RABL3: variants seen among roughly 807,000 people sequenced by gnomAD.
RABL3 encodes the protein rab-like protein 3.
A neutral mutation model predicts 31.8 loss-of-function variants in RABL3; 31 were observed. The ratio of observed to expected loss-of-function variants is 0.97; its 90% confidence interval spans 0.73 to 1.31. The LOEUF (loss-of-function observed/expected upper bound fraction) is 1.31, where lower values mean the gene tolerates loss of function less well. Among genes scored for constraint, RABL3 ranks in the 40% most tolerant of loss-of-function variants. The pLI, the probability that RABL3 is intolerant of heterozygous loss-of-function variation, is 0.00. For synonymous variants in RABL3, 97 were observed against 99.9 expected (o/e 0.97, Z 0.18); for missense variants, 263 against 279.6 (o/e 0.94, Z 0.42).
chr3:120,740,733 T>A (rs568489040), intron 1 of RABL3, among the ~76,000 whole-genome samples: 10 of 152,294 alleles, frequency 6.6e-5, no homozygotes, highest in African/African-American at 2.4e-4. Context: ...CTGACAAAAT[T>A]ACCTTTTAAA....
Position 120,730,725 on chromosome 3 carries a change from A to C in RABL3, c.109T>G (p.Trp37Gly), listed in dbSNP as rs767227466. Residue 37 changes from tryptophan to glycine, a missense_variant, in exon 2 of 8, where the codon TGG becomes GGG. Trp to Gly is a radical substitution (Grantham distance 184). Coordinates refer to ENST00000273375, the MANE Select transcript of RABL3 (RefSeq NM_173825.5). ...ACATCCACTGAGCAGCCCACAGTCC[A>C]TGATGGATTTCCCAGCACTTGATTT... The part of the protein sequence containing the change: ...CQNQVLGNPS[W>G]TVGCSVDVRV... 6.2e-7 allele frequency: 1 copy of C among 1,614,000 alleles called. No individual in the cohort carries two copies. Among genetic ancestry groups the C allele is most frequent in the Admixed American group, 1.7e-5 (1 of 60,014 alleles).
At chr3:120,735,552 T>C (rs1708949718) in intron 1 of RABL3, among the ~76,000 whole-genome samples, 1 of 152,210 alleles carries the variant, frequency 6.6e-6, no homozygotes, top group African/African-American at 2.4e-5. Context: ...CCTTCAGTTC[T>C]GCTCTGATCT....
Position 120,686,315 on chromosome 3 carries a change from C to G in RABL3, c.*3508G>C, listed in dbSNP as rs947836780. Reference sequence around the variant, plus strand: ...GATGTCACCTGTGCTTTAAAAAATTCAATTAAGCCACCATCTAGTAACCCA... The same window carrying G: ...GATGTCACCTGTGCTTTAAAAAATTGAATTAAGCCACCATCTAGTAACCCA... On this transcript the variant is annotated 3_prime_UTR_variant, in exon 8 of 8. Transcript: ENST00000273375. Among the ~76,000 whole-genome samples the G allele has an allele frequency of 2.0e-5, 3 of 152,140 alleles. No homozygotes were observed. The highest frequency in any genetic ancestry group is 7.2e-5 in the African/African-American group (3 of 41,408).
rs553588656 is a variant in RABL3 at position 120,732,987 on chromosome 3, A to C, written c.47-2200T>G. On this transcript the variant is annotated intron_variant, in intron 1 of 7. Transcript: ENST00000273375. Reference sequence around the variant, plus strand: ...TTGATGGACATTTGGGTTGGTTCCAAGTCTTTGCTATTGTGAATAGTGCTG... The same window carrying C: ...TTGATGGACATTTGGGTTGGTTCCACGTCTTTGCTATTGTGAATAGTGCTG... 8.0e-4 allele frequency among the ~76,000 whole-genome samples: 121 copies of C among 152,178 alleles called. 1 individual carries two copies. Among genetic ancestry groups the C allele is most frequent in the African/African-American group, 2.8e-3 (117 of 41,514 alleles).
intron 5 of RABL3, among the ~76,000 whole-genome samples, chr3:120,695,078 T>C (rs1708423589): frequency 6.6e-6 from 1 of 151,958 alleles, no homozygotes; most frequent in Non-Finnish European, 1.5e-5. Flanking sequence ...TAAGCTCCTT[T>C]GCAAGTATGA....
In RABL3 at chr3:120,688,257, A is replaced by G. The variant is rs1229594663; in HGVS notation, c.*1566T>C. The G allele has an allele frequency of 3.9e-5, 6 of 152,630 alleles. No homozygotes were observed. Among genetic ancestry groups the G allele is most frequent in the African/African-American group, 1.2e-4 (5 of 41,456 alleles). 9.5% of individuals were successfully genotyped at this position (152,630 alleles called of 1,614,324 possible). A position where few individuals can be genotyped will look rare whatever the true frequency, so the allele number is the denominator to read the frequency against. On this transcript the variant is annotated 3_prime_UTR_variant, in exon 8 of 8. Coordinates refer to ENST00000273375, the MANE Select transcript of RABL3 (RefSeq NM_173825.5). ...GGTAGCATTTGGTTTCTACTTCCCA[A>G]CTGTACAGCCTATGCAACAACATAC...
intron 2 of RABL3, among the ~76,000 whole-genome samples, chr3:120,715,571 AGAAC>A (rs1275999046): frequency 6.6e-6 from 1 of 152,258 alleles, no homozygotes; most frequent in Admixed American, 6.5e-5. Context: ...AAAAAAAGAA[AGAAC>A]GAAATGTCCA....
intron 5 of RABL3, among the ~76,000 whole-genome samples, chr3:120,695,541 C>T (rs769171968): frequency 2.6e-5 from 4 of 152,032 alleles, no homozygotes; most frequent in Non-Finnish European, 4.4e-5. Context: ...AATATTAGTC[C>T]TCCTCTCTTC....
intron 1 of RABL3, among the ~76,000 whole-genome samples, chr3:120,734,486 CA>C (rs1453697588): frequency 7.2e-5 from 11 of 152,308 alleles, no homozygotes; most frequent in Admixed American, 1.3e-4. Flanking sequence ...ATGTCATCTG[CA>C]AACAGAGACA....
intron 3 of RABL3, among the ~76,000 whole-genome samples, chr3:120,707,574 C>T (rs1708563422): frequency 6.6e-6 from 1 of 152,072 alleles, no homozygotes; most frequent in South Asian, 2.1e-4. Flanking sequence ...AGAATTTGCA[C>T]TCAGGTAATC....
chr3:120,740,062 C>T (rs538276871), intron 1 of RABL3, among the ~76,000 whole-genome samples: 44 of 152,278 alleles, frequency 2.9e-4, no homozygotes, highest in African/African-American at 1.1e-3. Context: ...AAAGAATGCA[C>T]TTGATTTGCT....
intron 2 of RABL3, among the ~76,000 whole-genome samples, chr3:120,721,724 T>A (rs932041581): frequency 6.6e-6 from 1 of 152,092 alleles, no homozygotes; most frequent in Non-Finnish European, 1.5e-5. Flanking sequence ...CACACAATAA[T>A]AATGGGAGAC....
intron 5 of RABL3, among the ~76,000 whole-genome samples, chr3:120,696,534 C>T (rs1200268710): frequency 6.6e-6 from 1 of 151,386 alleles, no homozygotes; most frequent in African/African-American, 2.4e-5. Context: ...TACCTGAGTA[C>T]CTTTACATCT....
At chr3:120,697,703 C>T (rs1207770547) in intron 5 of RABL3, among the ~76,000 whole-genome samples, 2 of 152,098 alleles carry the variant, frequency 1.3e-5, no homozygotes, top group Non-Finnish European at 2.9e-5. Flanking sequence ...ATGAAGCACT[C>T]CTAGTTTAAG....
At chr3:120,690,564 AC>A in intron 6 of RABL3, 77 bp from the exon 7 acceptor site, 1 of 943,132 alleles carries the variant, frequency 1.1e-6, no homozygotes, top group Non-Finnish European at 1.7e-6. Flanking sequence ...CACTAATGGT[AC>A]TAAAAGGAAT....
At position 120,688,272 on chromosome 3, in the gene RABL3, C is replaced by T. The variant is rs1708337814; in HGVS notation, c.*1551G>A. Reference sequence around the variant, plus strand: ...CTACTTCCCAACTGTACAGCCTATGCAACAACATACTTGTGACCAATTCTA... The same window carrying T: ...CTACTTCCCAACTGTACAGCCTATGTAACAACATACTTGTGACCAATTCTA... On this transcript the variant is annotated 3_prime_UTR_variant, in exon 8 of 8. Coordinates refer to ENST00000273375, the MANE Select transcript of RABL3 (RefSeq NM_173825.5). 6.6e-6 allele frequency: 1 copy of T among 152,536 alleles called. No homozygotes were observed. Among genetic ancestry groups the T allele is most frequent in the East Asian group, 1.9e-4 (1 of 5,198 alleles). The allele number at this position is 152,536 out of a possible 1,614,324, so 9.4% of individuals were successfully genotyped here.
At chr3:120,695,978 G>C (rs1197057412) in intron 5 of RABL3, among the ~76,000 whole-genome samples, 3 of 152,166 alleles carry the variant, frequency 2.0e-5, no homozygotes, top group African/African-American at 7.2e-5. Context: ...CATTTATCAT[G>C]GCTGAGGGAA....
At chr3:120,702,799 C>T (rs374808618) in intron 4 of RABL3, among the ~76,000 whole-genome samples, 10 of 152,152 alleles carry the variant, frequency 6.6e-5, no homozygotes, top group South Asian at 2.1e-4. Flanking sequence ...CCTCATGATC[C>T]GCCCGCCTTG....
At position 120,687,863 on chromosome 3, in the gene RABL3, C is replaced by G. The variant is rs1183531124; in HGVS notation, c.*1960G>C. On this transcript the variant is annotated 3_prime_UTR_variant, in exon 8 of 8. Coordinates refer to ENST00000273375, the MANE Select transcript of RABL3 (RefSeq NM_173825.5). ...CTAGGCTGGAGTGCAGTGACACGATCTTGACTCACTGCAACCTCCACCTCC... is the reference window on the plus strand; with the variant it reads ...CTAGGCTGGAGTGCAGTGACACGATGTTGACTCACTGCAACCTCCACCTCC... The G allele has an allele frequency of 6.6e-6, 1 of 151,950 alleles. No individual in the cohort carries two copies. Among genetic ancestry groups the G allele is most frequent in the South Asian group, 2.1e-4 (1 of 4,830 alleles). The allele number at this position is 151,950 out of a possible 1,614,324, so 9.4% of individuals were successfully genotyped here.
Sources: gnomAD v4.1 joint callset for allele counts (sites outside exome capture counted in the v4.1 genomes callset) on GRCh38, gnomAD v4.1.1 for gene constraint, MANE v1.5 for transcripts, NCBI Gene and HGNC (gene_info 2026-07-23, HGNC 2026-07-21) for gene names.